ABHD12: variants seen among roughly 807,000 people sequenced by gnomAD.
The protein encoded by ABHD12 is lysophosphatidylserine lipase ABHD12.
ABHD12 carries 43 observed loss-of-function variants against 58.3 expected under a neutral mutation model. The ratio of observed to expected loss-of-function variants is 0.74; its 90% confidence interval spans 0.58 to 0.95. The LOEUF (loss-of-function observed/expected upper bound fraction) is 0.95, where lower values mean the gene tolerates loss of function less well. Among genes scored for constraint, ABHD12 ranks in the 40% least tolerant of loss-of-function variants. The pLI is 0.00. For missense variants in ABHD12, 539 were observed against 537.2 expected, an observed-to-expected ratio of 1.00 and a Z score of -0.03; for synonymous variants, 219 against 211.2, an observed-to-expected ratio of 1.04 and a Z score of -0.32.
intron 1 of ABHD12, among the ~76,000 whole-genome samples, chr20:25,375,366 G>GT (rs2089949726): frequency 6.6e-6 from 1 of 152,176 alleles, no homozygotes; most frequent in Non-Finnish European, 1.5e-5. Flanking sequence ...TTATAATCTT[G>GT]CTCTAAGTAG....
At chr20:25,359,736 GTTTT>G (rs1370608379) in intron 1 of ABHD12, among the ~76,000 whole-genome samples, 3 of 151,686 alleles carry the variant, frequency 2.0e-5, no homozygotes, top group African/African-American at 7.3e-5. Context: ...TGCCTGCTGA[GTTTT>G]TTTATTTTTA....
At chr20:25,344,095 C>T (rs2054991657) in intron 1 of ABHD12, among the ~76,000 whole-genome samples, 1 of 152,108 alleles carries the variant, frequency 6.6e-6, no homozygotes, top group Non-Finnish European at 1.5e-5. Flanking sequence ...AGCCTCAGCA[C>T]ACTAGGAATA....
intron 9 of ABHD12, among the ~76,000 whole-genome samples, chr20:25,307,440 A>G (rs1055387918): frequency 6.6e-6 from 1 of 152,252 alleles, no homozygotes; most frequent in Non-Finnish European, 1.5e-5. Flanking sequence ...CCAGAGTGAG[A>G]AGGAGGGGAA....
At chr20:25,302,836 C>T (rs2088662798) in intron 11 of ABHD12, among the ~76,000 whole-genome samples, 1 of 152,178 alleles carries the variant, frequency 6.6e-6, no homozygotes, top group Non-Finnish European at 1.5e-5. Context: ...ATCTGTGTGC[C>T]TTATGGAGCC....
Position 25,390,476 on chromosome 20 carries a change from G to GCCCCCCCCCCCCC in ABHD12, c.191+36_191+37insGGGGGGGGGGGGG, listed in dbSNP as rs773039836. 9.2e-5 allele frequency: 95 copies of GCCCCCCCCCCCCC among 1,035,016 alleles called. 20 individuals carry two copies. Among genetic ancestry groups the GCCCCCCCCCCCCC allele is most frequent in the South Asian group, 8.1e-4 (43 of 52,942 alleles). The allele number at this position is 1,035,016 out of a possible 1,614,324, so 64.1% of individuals were successfully genotyped here. A position where few individuals can be genotyped will look rare whatever the true frequency, so the allele number is the denominator to read the frequency against. On this transcript the variant is annotated intron_variant, in intron 1 of 12. Coordinates refer to ENST00000339157, the MANE Select transcript of ABHD12 (RefSeq NM_001042472.3). ...ACGCACCTGCGCAAAGTGAGGGACCGGCCCCCCCCCCCCCCCCGCTCCGCG... is the reference window on the plus strand; with the variant it reads ...ACGCACCTGCGCAAAGTGAGGGACCGCCCCCCCCCCCCCGCCCCCCCCCCCCCCCCGCTCCGCG...
intron 5 of ABHD12, 77 bp from the exon 6 acceptor site, chr20:25,315,047 T>C: frequency 6.9e-7 from 1 of 1,452,982 alleles, no homozygotes; most frequent in Non-Finnish European, 9.7e-7. Flanking sequence ...CTTACTAAAC[T>C]CATCCAACTT....
chr20:25,372,865 C>T (rs1365078329), intron 1 of ABHD12, among the ~76,000 whole-genome samples: 2 of 152,240 alleles, frequency 1.3e-5, no homozygotes, highest in East Asian at 3.8e-4. Flanking sequence ...TCACTCACCA[C>T]TCACTCACTG....
chr20:25,320,291 C>T lies in ABHD12; in HGVS notation c.450G>A (p.Lys150=). 1 of 1,614,098 alleles carries T rather than the reference C, an allele frequency of 6.2e-7. No homozygotes were observed. Among genetic ancestry groups the T allele is most frequent in the Non-Finnish European group, 8.5e-7 (1 of 1,180,036 alleles). Residue 150 remains lysine (K), a synonymous_variant, in exon 4 of 13, where the codon AAG becomes AAA. Transcript: ENST00000339157. ...VWHTVPAVWW[K]NAQGKDQMWY... is the part of the protein sequence containing the mutation. ...ACATCTGGTCTTTGCCTTGGGCGTT[C>T]TTCCACCAGACTGCAGGGACGGTGT...
chr20:25,306,896 C>T lies in ABHD12; in HGVS notation c.887G>A (p.Gly296Glu). Reference protein sequence around the residue: ...PFSVIYRYFPGFDWFFLDPIT... With the variant: ...PFSVIYRYFPEFDWFFLDPIT... ...AGGATCAAGGAAGAACCAGTCAAAC[C>T]CAGGGAAGTATCGATATATCTGGAG... The change falls in exon 10 of 13, where the codon GGG (glycine) becomes GAG (glutamate). Residue 296 changes from glycine to glutamate, a missense_variant. By Grantham distance (98) the Gly-to-Glu change is moderately conservative. Transcript: ENST00000339157. The T allele has an allele frequency of 1.2e-6, 2 of 1,612,268 alleles. No individual in the cohort carries two copies. The highest frequency in any genetic ancestry group is 1.7e-6 in the Non-Finnish European group (2 of 1,178,670).
intron 3 of ABHD12, among the ~76,000 whole-genome samples, chr20:25,320,981 G>T (rs2089056335): frequency 6.6e-6 from 1 of 152,024 alleles, no homozygotes; most frequent in African/African-American, 2.4e-5. Flanking sequence ...CACTGGGGAG[G>T]GTCCAAATTA....
chr20:25,310,345 C>G (rs1388332143), intron 6 of ABHD12: 1 of 152,252 alleles, frequency 6.6e-6, no homozygotes, highest in African/African-American at 2.4e-5. Context: ...TAATTAGCAT[C>G]TTGTTTCCAT....
At chr20:25,351,237 C>T (rs1482064359) in intron 1 of ABHD12, among the ~76,000 whole-genome samples, 3 of 152,108 alleles carry the variant, frequency 2.0e-5, no homozygotes, top group African/African-American at 7.2e-5. Flanking sequence ...TGATGGATTC[C>T]TGCCAGCAAA....
At chr20:25,366,357 C>T (rs1223369914) in intron 1 of ABHD12, among the ~76,000 whole-genome samples, 2 of 151,462 alleles carry the variant, frequency 1.3e-5, no homozygotes, top group African/African-American at 4.9e-5. Context: ...CTTACCGCAA[C>T]CTCCACCTCC....
intron 9 of ABHD12, among the ~76,000 whole-genome samples, chr20:25,307,703 G>A (rs1484133065): frequency 6.6e-6 from 1 of 152,218 alleles, no homozygotes; most frequent in Non-Finnish European, 1.5e-5. Flanking sequence ...CAATGCAGTC[G>A]ATGACACCAC....
intron 5 of ABHD12, among the ~76,000 whole-genome samples, chr20:25,316,793 G>C (rs896289778): frequency 6.6e-6 from 1 of 152,232 alleles, no homozygotes; most frequent in Non-Finnish European, 1.5e-5. Context: ...TTAGCTGGGC[G>C]TGGTGGCGGC....
At chr20:25,358,691 CA>C (rs1304271440) in intron 1 of ABHD12, among the ~76,000 whole-genome samples, 4 of 152,286 alleles carry the variant, frequency 2.6e-5, no homozygotes, top group African/African-American at 9.6e-5. Flanking sequence ...CAGACCTATG[CA>C]GAGTGCATAG....
At chr20:25,382,000 A>G (rs1417563366) in intron 1 of ABHD12, among the ~76,000 whole-genome samples, 1 of 152,188 alleles carries the variant, frequency 6.6e-6, no homozygotes, top group Non-Finnish European at 1.5e-5. Context: ...GGGGCTAGTC[A>G]TCTAGAAGAT....
At chr20:25,297,511 C>T (rs201487903), downstream of ABHD12, 375 of 152,464 alleles carry the variant, frequency 2.5e-3, 1 homozygote, top group Admixed American at 4.6e-3. Context: ...AGTGCCACAG[C>T]CTCGTCTGGA....
chr20:25,312,971 A>C (rs974105109), intron 6 of ABHD12, among the ~76,000 whole-genome samples: 1 of 149,616 alleles, frequency 6.7e-6, no homozygotes, highest in Non-Finnish European at 1.5e-5. Flanking sequence ...GGTGGGGGCC[A>C]GCCCCCGACC....
Sources: allele counts gnomAD v4.1 joint callset (sites outside exome capture counted in the v4.1 genomes callset), GRCh38; gene constraint gnomAD v4.1.1; transcripts MANE v1.5; gene names NCBI Gene and HGNC (gene_info 2026-07-23, HGNC 2026-07-21).